Variants in CCDC88A observed in about 807,000 individuals in gnomAD.
The protein encoded by CCDC88A is girdin.
Under a neutral mutation model 234.3 loss-of-function variants are expected in CCDC88A, and 54 were observed. That is an observed-to-expected ratio of 0.23 (90% CI 0.19 to 0.29). The LOEUF (loss-of-function observed/expected upper bound fraction) is 0.29. CCDC88A is among the 10% of genes least tolerant of loss of function. CCDC88A has a pLI of 1.00. For missense variants in CCDC88A, 1,832 were observed against 2,123.4 expected (o/e 0.86, Z 2.70); for synonymous variants, 753 against 737.8 (o/e 1.02, Z -0.33).
intron 3 of CCDC88A, among the ~76,000 whole-genome samples, chr2:55,380,208 C>T (rs1674368869): frequency 6.6e-6 from 1 of 151,912 alleles, no homozygotes; most frequent in South Asian, 2.1e-4. Context: ...TGCACTCCAG[C>T]CTGGGCGACA....
intron 11 of CCDC88A, 177 bp downstream of exon 11, chr2:55,344,188 AAGC>A: frequency 2.5e-6 from 1 of 405,806 alleles, no homozygotes; most frequent in South Asian, 9.6e-5. Context: ...TCTGTAACAA[AAGC>A]AGAAATTTCT....
At chr2:55,378,143 G>A (rs1301473188) in intron 3 of CCDC88A, among the ~76,000 whole-genome samples, 4 of 152,020 alleles carry the variant, frequency 2.6e-5, no homozygotes, top group Non-Finnish European at 2.9e-5. Flanking sequence ...TCTTCAATGT[G>A]GTCCACTACC....
chr2:55,303,391 C>CTTTTT (rs397965492), intron 25 of CCDC88A, among the ~76,000 whole-genome samples: 1 of 135,480 alleles, frequency 7.4e-6, no homozygotes, highest in Non-Finnish European at 1.6e-5. Context: ...GGAACATATA[C>CTTTTT]TTTTTTTTTT....
rs775798654 is a variant in CCDC88A, at chr2:55,318,996, T to C, written c.3171A>G (p.Thr1057=). Residue 1057 remains threonine, a synonymous_variant, in exon 19 of 33, where the codon ACA becomes ACG. Transcript: ENST00000436346. The stretch of plus-strand genomic sequence containing the variant: ...TCAACGCTTGCTTCTCTGCTTGCAG[T>C]GTAGCATTCTTGAAAAACAAAAACC... The part of the protein sequence containing the change: ...RLIEVERNNA[T]LQAEKQALKT... 4 of 1,611,550 alleles carry C rather than the reference T, an allele frequency of 2.5e-6. No homozygotes were observed. The highest frequency in any genetic ancestry group is 1.7e-5 in the Admixed American group (1 of 59,826).
intron 2 of CCDC88A, among the ~76,000 whole-genome samples, chr2:55,392,706 C>A (rs1043942309): frequency 3.3e-5 from 5 of 152,232 alleles, no homozygotes; most frequent in African/African-American, 1.2e-4. Context: ...AGGTTGTCTA[C>A]TGGTGCTCTT....
rs1284429984 is a variant in CCDC88A, at chr2:55,332,897, T to G, written c.2728-204A>C. On this transcript the variant is annotated intron_variant, in intron 15 of 32. Transcript: ENST00000436346. The surrounding 1 kb of genome is among the most constrained non-coding windows in gnomAD (Gnocchi z 4.5). ...TTTTTTCCTTTTTTTTGCTAATACT[T>G]TAAACAAAACCTTAAAAGGGAGTAG... Among the ~76,000 whole-genome samples, 1 of 152,202 alleles carries G rather than the reference T, an allele frequency of 6.6e-6. No homozygotes were observed. The highest frequency in any genetic ancestry group is 2.4e-5 in the African/African-American group (1 of 41,446).
chr2:55,326,359 G>C (rs746460217), intron 17 of CCDC88A, among the ~76,000 whole-genome samples: 1 of 150,830 alleles, frequency 6.6e-6, no homozygotes, highest in Non-Finnish European at 1.5e-5. Context: ...TCCCTTTTTT[G>C]GTCATATTAC....
intron 3 of CCDC88A, among the ~76,000 whole-genome samples, chr2:55,375,318 T>C (rs998141600): frequency 2.6e-5 from 4 of 152,018 alleles, no homozygotes; most frequent in South Asian, 4.2e-4. Flanking sequence ...TTTTAGGTGC[T>C]AGAAAATTAA....
rs765383747 is a variant in CCDC88A, at chr2:55,295,659, C to T, written c.5489G>A (p.Arg1830Lys). Residue 1830 changes from arginine (R) to lysine (K), a missense_variant, in exon 31 of 33, where the codon AGA becomes AAA. Arg to Lys is a conservative substitution (Grantham distance 26). Transcript: ENST00000436346. ...SIHDFLTKDS[R>K]LPISVDSPPA... ...TGGTGAATCAACTGATATAGGCAGT[C>T]TACTGTCCTTGGTCAAAAAATCATG... 33 of 1,614,074 alleles carry T rather than the reference C, an allele frequency of 2.0e-5. No homozygotes were observed. Among genetic ancestry groups the T allele is most frequent in the Non-Finnish European group, 2.8e-5 (33 of 1,180,038 alleles).
intron 4 of CCDC88A, among the ~76,000 whole-genome samples, chr2:55,373,185 A>T (rs17046959): frequency 6.6e-6 from 1 of 152,318 alleles, no homozygotes; most frequent in South Asian, 2.1e-4. Flanking sequence ...CACTGGGCCA[A>T]TCTGTCTATG....
Position 55,317,177 on chromosome 2 carries a change from G to C in CCDC88A, c.3746+29C>G. On this transcript the variant is annotated intron_variant, in intron 21 of 32. Coordinates refer to ENST00000436346, the MANE Select transcript of CCDC88A (RefSeq NM_001365480.1). This position sits in a 1 kb window ranked among gnomAD's most constrained non-coding sequence, Gnocchi z 4.2. The stretch of plus-strand genomic sequence containing the variant: ...TATGTATATACTTTCTATATAAAAT[G>C]TTTGTTATATATAATATATATTTAT... 3.0e-6 allele frequency: 3 copies of C among 993,660 alleles called. No individual in the cohort carries two copies. Among genetic ancestry groups the C allele is most frequent in the Non-Finnish European group, 4.1e-6 (3 of 731,912 alleles). The allele number at this position is 993,660 out of a possible 1,614,324, so 61.6% of individuals were successfully genotyped here. A position where few individuals can be genotyped will look rare whatever the true frequency, so the allele number is the denominator to read the frequency against.
chr2:55,327,137 T>C (rs1684365786), intron 17 of CCDC88A, among the ~76,000 whole-genome samples: 1 of 152,186 alleles, frequency 6.6e-6, no homozygotes, highest in Non-Finnish European at 1.5e-5. Flanking sequence ...GAAAAATAAG[T>C]AAAACTTATT....
At position 55,322,528 on chromosome 2, in the gene CCDC88A, A is replaced by C; in HGVS notation, c.3162T>G (p.Asn1054Lys). 3 of 1,553,206 alleles carry C rather than the reference A, an allele frequency of 1.9e-6. No individual in the cohort carries two copies. In the South Asian group the frequency reaches 3.5e-5, roughly 18 times the overall value. ...TCTACTAAAATTTAAAAATACTTAC[A>C]TTTCTTTCTACTTCAATTAATCTGT... ...VKDRLIEVER[N>K]NATLQAEKQA... Residue 1054 changes from asparagine (N) to lysine (K), a missense_variant and splice_region_variant, in exon 18 of 33, where the codon AAT becomes AAG. Asn to Lys is a moderately conservative substitution (Grantham distance 94). Coordinates refer to ENST00000436346, the MANE Select transcript of CCDC88A (RefSeq NM_001365480.1).
rs952100035 is a variant in CCDC88A at position 55,289,645 on chromosome 2, A to C, written c.*1555T>G. ...CCGGTGGCATTGAAGTACGTAAGTA[A>C]GCTCAAGTTCTCTAAGTTCCATTTC... On this transcript the variant is annotated 3_prime_UTR_variant, in exon 33 of 33. Transcript: ENST00000436346. 2.6e-4 allele frequency: 39 copies of C among 152,272 alleles called. No individual in the cohort carries two copies. Among genetic ancestry groups the C allele is most frequent in the Admixed American group, 9.2e-4 (14 of 15,290 alleles). 9.4% of individuals were successfully genotyped at this position (152,272 alleles called of 1,614,324 possible). A position where few individuals can be genotyped will look rare whatever the true frequency, so the allele number is the denominator to read the frequency against.
At position 55,301,985 on chromosome 2, in the gene CCDC88A, G is replaced by A. The variant is rs200839306; in HGVS notation, c.4559C>T (p.Thr1520Met). The A allele has an allele frequency of 1.3e-5, 21 of 1,613,972 alleles. No homozygotes were observed. Among genetic ancestry groups the A allele is most frequent in the Non-Finnish European group, 1.6e-5 (19 of 1,179,874 alleles). The part of the protein sequence containing the change: ...ENLEVPDDIS[T>M]GKRRKELGAM... ...TCCCAATTCTTTTCTCCTTTTACCC[G>A]TTGAAATATCATCAGGAACCTCCAA... Residue 1520 changes from threonine to methionine, a missense_variant, in exon 27 of 33, where the codon ACG becomes ATG. Around this residue, in one of 6 missense-constraint regions of CCDC88A, gnomAD observed 422 missense variants for 416.5 expected, o/e 1.01. Coordinates refer to ENST00000436346, the MANE Select transcript of CCDC88A (RefSeq NM_001365480.1).
At chr2:55,304,616 A>G (rs1264504294) in intron 25 of CCDC88A, among the ~76,000 whole-genome samples, 1 of 152,162 alleles carries the variant, frequency 6.6e-6, no homozygotes, top group Non-Finnish European at 1.5e-5. Flanking sequence ...ATGAGAGAAA[A>G]GTATATCATT....
In CCDC88A at chr2:55,349,563, T is replaced by C. The variant is rs769522251; in HGVS notation, c.837A>G (p.Gln279=). ...EKTEQLLDCK[Q]ELEQMEIELK... ...GTTCTATTTCCATTTGCTCAAGTTCTTGTTTACAATCCAACAACTGCTCAG... is the reference window on the plus strand; with the variant it reads ...GTTCTATTTCCATTTGCTCAAGTTCCTGTTTACAATCCAACAACTGCTCAG... Residue 279 remains glutamine, a synonymous_variant, in exon 9 of 33, where the codon CAA becomes CAG. Coordinates refer to ENST00000436346, the MANE Select transcript of CCDC88A (RefSeq NM_001365480.1). 6.2e-7 allele frequency: 1 copy of C among 1,613,242 alleles called. No homozygotes were observed. Among genetic ancestry groups the C allele is most frequent in the Non-Finnish European group, 8.5e-7 (1 of 1,179,646 alleles).
chr2:55,313,525 G>A (rs1682594052), intron 22 of CCDC88A: 1 of 152,134 alleles, frequency 6.6e-6, no homozygotes, highest in African/African-American at 2.4e-5. Context: ...GCAGTTAGTA[G>A]AAACTGGAAA....
rs756589283 is a variant in CCDC88A, at chr2:55,335,003, A to T, written c.1818T>A (p.Ile606=). The part of the protein sequence containing the change: ...IKETSSKLSK[I]EFEKRQIKKE... The stretch of plus-strand genomic sequence containing the variant: ...TTTTAATTTGTCTTTTTTCAAATTC[A>T]ATCTTGCTTAGCTTGCTACTTGTTT... Residue 606 remains isoleucine, a synonymous_variant, in exon 15 of 33, where the codon ATT becomes ATA. Coordinates refer to ENST00000436346, the MANE Select transcript of CCDC88A (RefSeq NM_001365480.1). This position sits in a 1 kb window ranked among gnomAD's most constrained non-coding sequence, Gnocchi z 4.5. 3.1e-6 allele frequency: 5 copies of T among 1,601,788 alleles called. No homozygotes were observed. The highest frequency in any genetic ancestry group is 4.3e-6 in the Non-Finnish European group (5 of 1,174,506).
Sources: gnomAD v4.1 joint callset for allele counts (sites outside exome capture counted in the v4.1 genomes callset) on GRCh38, gnomAD v4.1.1 for gene constraint, gnomAD v4.1.1 regional missense constraint, Gnocchi (gnomAD v3.1) non-coding constraint, MANE v1.5 for transcripts, NCBI Gene and HGNC (gene_info 2026-07-23, HGNC 2026-07-21) for gene names.